Variants in PCDHA7 observed in about 807,000 individuals in gnomAD.
PCDHA7 encodes the protein protocadherin alpha 7, also known as protocadherin alpha-7.
PCDHA7 carries 37 observed loss-of-function variants against 57.2 expected under a neutral mutation model. The observed-to-expected ratio is 0.65, with a 90% CI of 0.50 to 0.85. PCDHA7 has a LOEUF of 0.85. Among genes scored for constraint, PCDHA7 ranks in the 40% least tolerant of loss-of-function variants. The pLI is 0.00. For missense variants in PCDHA7, 1,188 were observed against 1,241.8 expected, an observed-to-expected ratio of 0.96 and a Z score of 0.65; for synonymous variants, 553 against 558.8, an observed-to-expected ratio of 0.99 and a Z score of 0.15.
intron 2 of PCDHA7, among the ~76,000 whole-genome samples, chr5:140,980,982 C>G (rs1208541065): frequency 6.6e-6 from 1 of 151,990 alleles, no homozygotes; most frequent in East Asian, 1.9e-4. Flanking sequence ...ACTGAGCCCA[C>G]ACAATTTGCT....
intron 1 of PCDHA7, among the ~76,000 whole-genome samples, chr5:140,963,173 G>C (rs2095742129): frequency 6.6e-6 from 1 of 151,942 alleles, no homozygotes; most frequent in Non-Finnish European, 1.5e-5. Flanking sequence ...CCATCTTACA[G>C]ATATGCTGTA....
At position 140,857,263 on chromosome 5, in the gene PCDHA7, A is replaced by G. The variant is rs367883816; in HGVS notation, c.2355+20525A>G. On this transcript the variant is annotated intron_variant, in intron 1 of 3. Coordinates refer to ENST00000525929, the MANE Select transcript of PCDHA7 (RefSeq NM_018910.3). The stretch of plus-strand genomic sequence containing the variant: ...TGTCCACCTACAAGAATTACTACTC[A>G]TTGGTGCTGGACAGCGCTCTGGACC... 5.0e-5 allele frequency: 80 copies of G among 1,598,534 alleles called. 2 individuals carry two copies. In the East Asian group the frequency reaches 1.3e-3, roughly 25 times the overall value.
At chr5:140,906,993 C>T (rs1361320380) in intron 1 of PCDHA7, among the ~76,000 whole-genome samples, 1 of 152,146 alleles carries the variant, frequency 6.6e-6, no homozygotes, top group African/African-American at 2.4e-5. Flanking sequence ...CAGCATTCCT[C>T]CCTCTGGAAC....
rs1455444799 is a variant in PCDHA7, at chr5:140,876,953, T to C, written c.2355+40215T>C. On this transcript the variant is annotated intron_variant, in intron 1 of 3. Coordinates refer to ENST00000525929, the MANE Select transcript of PCDHA7 (RefSeq NM_018910.3). ...AAGAACGCGCTGGTGTCCTACTCGCTGGTGGAGCGGCGGGTGGGCGAGCAC... is the reference window on the plus strand; with the variant it reads ...AAGAACGCGCTGGTGTCCTACTCGCCGGTGGAGCGGCGGGTGGGCGAGCAC... The C allele has an allele frequency of 1.1e-5, 17 of 1,613,306 alleles. No homozygotes were observed. Among genetic ancestry groups the C allele is most frequent in the Non-Finnish European group, 1.4e-5 (17 of 1,179,866 alleles).
chr5:140,993,906 C>T (rs1245923228), intron 3 of PCDHA7, among the ~76,000 whole-genome samples: 1 of 152,088 alleles, frequency 6.6e-6, no homozygotes, highest in Non-Finnish European at 1.5e-5. Flanking sequence ...AACAAAAATG[C>T]CTAGTGATGC....
At chr5:140,853,785 C>A in intron 1 of PCDHA7, 1 of 987,514 alleles carries the variant, frequency 1.0e-6, no homozygotes. Flanking sequence ...GTAGTAAGAG[C>A]AAATTTTCAT....
chr5:140,895,174 A>T (rs1554186407), intron 1 of PCDHA7, among the ~76,000 whole-genome samples: 2 of 152,150 alleles, frequency 1.3e-5, no homozygotes, highest in African/African-American at 4.8e-5. Context: ...ATCTATTTGT[A>T]GTCCCTTCTG....
intron 1 of PCDHA7, chr5:140,877,982 T>C (rs1320294784): frequency 1.6e-6 from 2 of 1,221,162 alleles, no homozygotes; most frequent in African/African-American, 3.1e-5. Context: ...CTTACTCATT[T>C]TGAACTTTTA....
chr5:140,966,488 C>G (rs1161799910), intron 1 of PCDHA7: 7 of 440,132 alleles, frequency 1.6e-5, no homozygotes, highest in East Asian at 1.1e-4. Context: ...TTTCCCTCCC[C>G]CTGGAGCTGT....
chr5:140,952,571 C>G (rs571628495), intron 1 of PCDHA7, among the ~76,000 whole-genome samples: 2 of 152,252 alleles, frequency 1.3e-5, no homozygotes, highest in East Asian at 3.9e-4. Flanking sequence ...ACTTCGGTCC[C>G]AATCATTCAA....
rs1774608551 is a variant in PCDHA7 at position 140,836,601 on chromosome 5, G to A, written c.2218G>A (p.Val740Met). The change falls in exon 1 of 4, where the codon GTG becomes ATG. Residue 740 changes from valine (V) to methionine (M), a missense_variant. Transcript: ENST00000525929. ...ATGTAGTTTGGTAAAGCCCACTCTGGTGTGCTCCAGCGCGGTGGGGAGCTG... is the reference window on the plus strand; with the variant it reads ...ATGTAGTTTGGTAAAGCCCACTCTGATGTGCTCCAGCGCGGTGGGGAGCTG... ...GACSLVKPTL[V>M]CSSAVGSWSF... 6.2e-7 allele frequency: 1 copy of A among 1,613,748 alleles called. No individual in the cohort carries two copies. The highest frequency in any genetic ancestry group is 8.5e-7 in the Non-Finnish European group (1 of 1,179,836).
intron 1 of PCDHA7, chr5:140,850,438 T>C (rs1554144332): frequency 6.3e-7 from 1 of 1,597,768 alleles, no homozygotes; most frequent in Admixed American, 1.7e-5. Flanking sequence ...CAGCGCCTAC[T>C]GGTGCTGGTG....
intron 1 of PCDHA7, chr5:140,884,152 T>C (rs1279761986): frequency 1.9e-6 from 3 of 1,613,332 alleles, no homozygotes; most frequent in East Asian, 2.2e-5. Flanking sequence ...GGCTGTACAC[T>C]GGCGAGATCA....
At chr5:140,948,564 T>C (rs1329949756) in intron 1 of PCDHA7, among the ~76,000 whole-genome samples, 1 of 151,688 alleles carries the variant, frequency 6.6e-6, no homozygotes, top group Non-Finnish European at 1.5e-5. Flanking sequence ...TTAAGTTGTA[T>C]TTTTTAAAGG....
intron 3 of PCDHA7, among the ~76,000 whole-genome samples, chr5:140,997,593 G>T (rs2097775607): frequency 6.6e-6 from 1 of 152,072 alleles, no homozygotes. Context: ...ACTGAAACAT[G>T]ATTATGGGGC....
intron 1 of PCDHA7, chr5:140,862,985 G>A: frequency 1.8e-6 from 1 of 547,112 alleles, no homozygotes; most frequent in Non-Finnish European, 3.6e-6. Flanking sequence ...GGTGGCGAAG[G>A]TGCGCACGGT....
At chr5:140,870,481 A>C (rs1329928274) in intron 1 of PCDHA7, 1 of 1,614,210 alleles carries the variant, frequency 6.2e-7, no homozygotes, top group East Asian at 2.2e-5. Context: ...GCCCGAGTAC[A>C]CCGTGTTCGT....
chr5:140,915,132 AGAGAC>A (rs1406752818), intron 1 of PCDHA7, among the ~76,000 whole-genome samples: 1 of 151,994 alleles, frequency 6.6e-6, no homozygotes, highest in Non-Finnish European at 1.5e-5. Flanking sequence ...TATTTTTAGT[AGAGAC>A]GGGGTTTCAC....
At chr5:140,955,124 CTG>C (rs1404094455) in intron 1 of PCDHA7, among the ~76,000 whole-genome samples, 1 of 152,016 alleles carries the variant, frequency 6.6e-6, no homozygotes. Context: ...TTCTGTTCCA[CTG>C]GTCTACACGT....
Sources: allele counts gnomAD v4.1 joint callset (sites outside exome capture counted in the v4.1 genomes callset), GRCh38; gene constraint gnomAD v4.1.1; transcripts MANE v1.5; gene names NCBI Gene and HGNC (gene_info 2026-07-23, HGNC 2026-07-21).